The following SPART variants were observed in gnomAD, a reference collection of about 807,000 sequenced individuals.
SPART encodes the protein spartin.
In SPART, 35 loss-of-function variants were observed where a neutral mutation model predicts 58.7. The ratio of observed to expected loss-of-function variants is 0.60; its 90% CI spans 0.46 to 0.79. The LOEUF (loss-of-function observed/expected upper bound fraction) is 0.79. Ranked by LOEUF, SPART falls within the 30% of genes least tolerant of loss-of-function variation. The pLI, the probability that SPART is intolerant of heterozygous loss-of-function variation, is 0.00. For synonymous variants in SPART, 284 were observed against 280.7 expected (o/e 1.01, Z -0.12); for missense variants, 730 against 786.1 (o/e 0.93, Z 0.85).
chr13:36,317,843 C>T (rs1036658403), intron 5 of SPART, among the ~76,000 whole-genome samples: 2 of 152,162 alleles, frequency 1.3e-5, no homozygotes, highest in Middle Eastern at 3.2e-3. Context: ...ACAAACTCTA[C>T]AGTAGTTCCA....
Position 36,331,581 on chromosome 13 carries a change from A to G in SPART, c.826T>C (p.Tyr276His). The change falls in exon 3 of 9, where the codon TAT becomes CAT. Residue 276 changes from tyrosine (Y) to histidine (H), a missense_variant. By Grantham distance (83) the Tyr-to-His change is moderately conservative. Coordinates refer to ENST00000438666, the MANE Select transcript of SPART (RefSeq NM_015087.5). Reference sequence around the variant, plus strand: ...GGAGATCTATCAGGAACTAGAGGATATAACCAGTCACAAACCTGAAAGGAT... The same window carrying G: ...GGAGATCTATCAGGAACTAGAGGATGTAACCAGTCACAAACCTGAAAGGAT... Reference protein sequence around the residue: ...PGFLQVCDWLYPLVPDRSPVL... With the variant: ...PGFLQVCDWLHPLVPDRSPVL... 6.2e-7 allele frequency: 1 copy of G among 1,613,856 alleles called. No individual in the cohort carries two copies. Among genetic ancestry groups the G allele is most frequent in the Non-Finnish European group, 8.5e-7 (1 of 1,179,774 alleles).
In SPART at chr13:36,326,714, G is replaced by C; in HGVS notation, c.1165-16C>G. ...TATCTTTAGCCTAAACAGTAAAAATGTTTCAAAATGTGAAGAGTTAGTACT... is the reference window on the plus strand; with the variant it reads ...TATCTTTAGCCTAAACAGTAAAAATCTTTCAAAATGTGAAGAGTTAGTACT... On this transcript the variant is annotated splice_polypyrimidine_tract_variant and intron_variant, in intron 4 of 8. Transcript: ENST00000438666. 6.2e-7 allele frequency: 1 copy of C among 1,611,672 alleles called. No homozygotes were observed. Among genetic ancestry groups the C allele is most frequent in the Non-Finnish European group, 8.5e-7 (1 of 1,179,478 alleles).
At chr13:36,340,199 A>G (rs575480254) in intron 1 of SPART, among the ~76,000 whole-genome samples, 1 of 152,136 alleles carries the variant, frequency 6.6e-6, no homozygotes, top group Admixed American at 6.5e-5. Flanking sequence ...TGTCTCTACT[A>G]AAAATACAAA....
intron 6 of SPART, 35 bp downstream of exon 6, chr13:36,314,192 A>T (rs753484871): frequency 6.3e-7 from 1 of 1,583,006 alleles, no homozygotes; most frequent in Non-Finnish European, 8.7e-7. Flanking sequence ...TTTAAATATA[A>T]CTTTAAAAAG....
intron 1 of SPART, among the ~76,000 whole-genome samples, chr13:36,357,471 C>G (rs976371726): frequency 2.6e-5 from 4 of 152,136 alleles, no homozygotes; most frequent in Non-Finnish European, 5.9e-5. Flanking sequence ...TGCTGAAATT[C>G]AGGATTCAGG....
At chr13:36,349,405 A>T (rs115637811), upstream of SPART, among the ~76,000 whole-genome samples, 1,133 of 152,310 alleles carry the variant, frequency 7.4e-3, 7 homozygotes, top group African/African-American at 0.023. Flanking sequence ...GAATATTCGT[A>T]CTACTGACTG....
chr13:36,348,321 A>G (rs1172629095), upstream of SPART, among the ~76,000 whole-genome samples: 5 of 152,340 alleles, frequency 3.3e-5, no homozygotes, highest in South Asian at 1.0e-3. Flanking sequence ...GAAATCTTTT[A>G]TTGGTCATCT....
At position 36,303,608 on chromosome 13, in the gene SPART, G is replaced by T. The variant is rs1880206564; in HGVS notation, c.*757C>A. 6.6e-6 allele frequency: 1 copy of T among 152,146 alleles called. No homozygotes were observed. Among genetic ancestry groups the T allele is most frequent in the South Asian group, 2.1e-4 (1 of 4,826 alleles). 9.4% of individuals were successfully genotyped at this position (152,146 alleles called of 1,614,324 possible). On this transcript the variant is annotated 3_prime_UTR_variant, in exon 9 of 9. Coordinates refer to ENST00000438666, the MANE Select transcript of SPART (RefSeq NM_015087.5). ...AGCAGATATGATAAAATAATTTCTT[G>T]AAGTACTTTTTTAATCCAATTAAGC...
intron 1 of SPART, chr13:36,368,362 G>A (rs550460243): frequency 6.2e-4 from 125 of 202,700 alleles, no homozygotes; most frequent in African/African-American, 2.8e-3. Flanking sequence ...AGAATGTATT[G>A]AGATCATGTT....
intron 5 of SPART, among the ~76,000 whole-genome samples, chr13:36,319,081 CT>C (rs1441250164): frequency 3.3e-5 from 5 of 151,918 alleles, no homozygotes; most frequent in Non-Finnish European, 5.9e-5. Context: ...GCCTCCATAA[CT>C]GTTGTGGGTA....
At chr13:36,336,801 A>G (rs1884050465) in intron 1 of SPART, among the ~76,000 whole-genome samples, 1 of 152,244 alleles carries the variant, frequency 6.6e-6, no homozygotes, top group African/African-American at 2.4e-5. Context: ...TCACTCATTC[A>G]TACAATGCAA....
chr13:36,363,409 C>T (rs774914067), intron 1 of SPART, among the ~76,000 whole-genome samples: 62 of 152,142 alleles, frequency 4.1e-4, no homozygotes, highest in Non-Finnish European at 7.2e-4. Context: ...CTTTCTCTCT[C>T]TCTCTCTCTG....
Position 36,331,398 on chromosome 13 carries a change from C to T in SPART, c.1008+1G>A, listed in dbSNP as rs201126199. Reference sequence around the variant, plus strand: ...ACCCTAAAGATGATCACACAAGTTACCTGGAGCCGAAGGTCAGACATTTGC... The same window carrying T: ...ACCCTAAAGATGATCACACAAGTTATCTGGAGCCGAAGGTCAGACATTTGC... On this transcript the variant is annotated splice_donor_variant, in intron 3 of 8. Coordinates refer to ENST00000438666, the MANE Select transcript of SPART (RefSeq NM_015087.5). LOFTEE classifies it high-confidence loss of function. 6.2e-7 allele frequency: 1 copy of T among 1,613,832 alleles called. No homozygotes were observed. The highest frequency in any genetic ancestry group is 8.5e-7 in the Non-Finnish European group (1 of 1,179,798).
At chr13:36,342,667 T>C (rs1020470689) in intron 1 of SPART, among the ~76,000 whole-genome samples, 3 of 152,140 alleles carry the variant, frequency 2.0e-5, no homozygotes, top group African/African-American at 7.2e-5. Context: ...CAAATGTACT[T>C]TGGGCAGCAA....
chr13:36,363,897 A>G (rs1458988761), intron 1 of SPART, among the ~76,000 whole-genome samples: 1 of 152,224 alleles, frequency 6.6e-6, no homozygotes, highest in Non-Finnish European at 1.5e-5. Flanking sequence ...ACATAACCAT[A>G]GTACATTATG....
rs539946871 is a variant in SPART at position 36,321,513 on chromosome 13, C to T, written c.1288+5062G>A. Among the ~76,000 whole-genome samples, 15 of 152,144 alleles carry T rather than the reference C, an allele frequency of 9.9e-5. 1 individual carries two copies. Among genetic ancestry groups the T allele is most frequent in the East Asian group, 9.7e-4 (5 of 5,148 alleles). On this transcript the variant is annotated intron_variant, in intron 5 of 8. Coordinates refer to ENST00000438666, the MANE Select transcript of SPART (RefSeq NM_015087.5). ...CTAGGCCATCACCAATCATTCTACACGACAAATGTTTCTTCTAACAACCCC... is the reference window on the plus strand; with the variant it reads ...CTAGGCCATCACCAATCATTCTACATGACAAATGTTTCTTCTAACAACCCC...
At chr13:36,344,202 T>C (rs1002115687) in intron 1 of SPART, among the ~76,000 whole-genome samples, 3 of 152,160 alleles carry the variant, frequency 2.0e-5, no homozygotes, top group African/African-American at 4.8e-5. Context: ...GTGGCTTAAA[T>C]CTTCAATAGG....
Position 36,312,107 on chromosome 13 carries a change from A to C in SPART, c.1733+38T>G, listed in dbSNP as rs9285108. 2.1e-3 allele frequency: 3,321 copies of C among 1,580,654 alleles called. 48 individuals are homozygous for C. In the African/African-American group the frequency reaches 0.035, roughly 17 times the overall value. On this transcript the variant is annotated intron_variant, in intron 8 of 8. Transcript: ENST00000438666. ...TCTCAGAAAAACAACAACAACAACA[A>C]AACAGAGATTTAGTCATTAAAATAA...
intron 1 of SPART, among the ~76,000 whole-genome samples, chr13:36,338,593 G>A (rs1884252311): frequency 1.3e-5 from 2 of 152,150 alleles, no homozygotes; most frequent in Non-Finnish European, 2.9e-5. Flanking sequence ...TTTCTCTACA[G>A]CCCTGAAAGA....
Sources: allele counts gnomAD v4.1 joint callset (sites outside exome capture counted in the v4.1 genomes callset), GRCh38; gene constraint gnomAD v4.1.1; transcripts MANE v1.5; gene names NCBI Gene and HGNC (gene_info 2026-07-23, HGNC 2026-07-21).